DECR1: variants seen among roughly 807,000 people sequenced by gnomAD.
DECR1 encodes 2,4-dienoyl-CoA reductase [(3E)-enoyl-CoA-producing], mitochondrial.
A neutral mutation model predicts 38.8 loss-of-function variants in DECR1; 44 were observed. That is an observed-to-expected ratio of 1.13 (90% CI 0.89 to 1.46). DECR1 has a LOEUF of 1.46. Ranked by LOEUF, DECR1 falls within the 40% of genes most tolerant of loss-of-function variation. The pLI is 0.00. For synonymous variants in DECR1, 148 were observed against 135.2 expected (o/e 1.09, Z -0.66); for missense variants, 428 against 405.5 (o/e 1.06, Z -0.48).
At chr8:90,013,645 GACT>G (rs1812940940) in intron 1 of DECR1, among the ~76,000 whole-genome samples, 3 of 152,016 alleles carry the variant, frequency 2.0e-5, no homozygotes, top group African/African-American at 7.2e-5. Context: ...TAGAGCTTCT[GACT>G]TTTATGTGAA....
chr8:90,004,462 A>G (rs1313760679), intron 1 of DECR1, among the ~76,000 whole-genome samples: 1 of 152,226 alleles, frequency 6.6e-6, no homozygotes, highest in Non-Finnish European at 1.5e-5. Flanking sequence ...TATGACCTCA[A>G]ACTGGCCACC....
At chr8:90,035,039 C>A (rs1393738771) in intron 5 of DECR1, among the ~76,000 whole-genome samples, 1 of 152,030 alleles carries the variant, frequency 6.6e-6, no homozygotes, top group East Asian at 1.9e-4. Context: ...AATATAACTC[C>A]ATTGTCTTCT....
chr8:90,034,780 T>C (rs933069106), intron 5 of DECR1, among the ~76,000 whole-genome samples: 4 of 152,206 alleles, frequency 2.6e-5, no homozygotes, highest in African/African-American at 9.6e-5. Flanking sequence ...GAGAACCTGC[T>C]GTGTCCTAGA....
At chr8:90,045,373 G>C (rs1287763883) in intron 8 of DECR1, among the ~76,000 whole-genome samples, 2 of 152,064 alleles carry the variant, frequency 1.3e-5, no homozygotes, top group Non-Finnish European at 2.9e-5. Flanking sequence ...GGCACACCAG[G>C]AGATTATATC....
chr8:90,028,910 G>A (rs1586153403), intron 5 of DECR1, among the ~76,000 whole-genome samples: 1 of 152,062 alleles, frequency 6.6e-6, no homozygotes, highest in African/African-American at 2.4e-5. Context: ...AGACATGGGT[G>A]GAAACTGACG....
At chr8:90,027,703 A>C (rs1325292379) in intron 5 of DECR1, among the ~76,000 whole-genome samples, 1 of 151,926 alleles carries the variant, frequency 6.6e-6, no homozygotes, top group Non-Finnish European at 1.5e-5. Flanking sequence ...TAATTGGAGC[A>C]TTTAGCCCAT....
chr8:90,046,130 C>G (rs1217281310), intron 8 of DECR1, among the ~76,000 whole-genome samples: 3 of 152,242 alleles, frequency 2.0e-5, no homozygotes, highest in African/African-American at 2.4e-5. Context: ...AGCGCCTCTT[C>G]TCTTCCAAAG....
chr8:90,022,394 C>A (rs541854053), intron 5 of DECR1, among the ~76,000 whole-genome samples: 3 of 152,140 alleles, frequency 2.0e-5, no homozygotes, highest in Non-Finnish European at 4.4e-5. Context: ...TAGCTTCCAT[C>A]CTTTCTATGC....
chr8:90,051,962 C>G lies in DECR1; in HGVS notation c.*65C>G. On this transcript the variant is annotated 3_prime_UTR_variant, in exon 10 of 10. Transcript: ENST00000220764. ...AGAAATGAAACAAATTATCTCTCAT[C>G]TTTTGACTATTTCAAGTCTAATAAA... is the stretch of plus-strand genomic sequence containing the variant. 7.3e-7 allele frequency: 1 copy of G among 1,371,460 alleles called. No homozygotes were observed. Among genetic ancestry groups the G allele is most frequent in the Non-Finnish European group, 1.0e-6 (1 of 967,268 alleles). 85.0% of individuals were successfully genotyped at this position (1,371,460 alleles called of 1,614,324 possible). A position where few individuals can be genotyped will look rare whatever the true frequency, so the allele number is the denominator to read the frequency against.
chr8:90,032,578 C>A (rs372834831), intron 5 of DECR1, among the ~76,000 whole-genome samples: 106 of 152,272 alleles, frequency 7.0e-4, no homozygotes, highest in Middle Eastern at 6.8e-3. Context: ...GGCATGGGAT[C>A]TTTAAGTGGG....
chr8:90,051,420 G>A (rs182740536), intron 8 of DECR1, among the ~76,000 whole-genome samples: 5 of 152,216 alleles, frequency 3.3e-5, no homozygotes, highest in African/African-American at 1.2e-4. Flanking sequence ...ATTAATAGAT[G>A]CAGGTTACCT....
rs1813792305 is a variant in DECR1 at position 90,042,708 on chromosome 8, T to A, written c.666-20T>A. ...ATGGTATAATATTTCAGAATGTATG[T>A]TGTTGATTTTAATTTTTAGGTCTCT... On this transcript the variant is annotated intron_variant, in intron 6 of 9. Coordinates refer to ENST00000220764, the MANE Select transcript of DECR1 (RefSeq NM_001359.2). The A allele has an allele frequency of 6.3e-7, 1 of 1,597,782 alleles. No homozygotes were observed. Among genetic ancestry groups the A allele is most frequent in the East Asian group, 2.2e-5 (1 of 44,780 alleles).
intron 1 of DECR1, among the ~76,000 whole-genome samples, chr8:90,014,225 A>G (rs1812953500): frequency 6.6e-6 from 1 of 152,202 alleles, no homozygotes; most frequent in Non-Finnish European, 1.5e-5. Flanking sequence ...CCTGTTTTGT[A>G]TCTACTTTTT....
chr8:90,006,417 G>A (rs1323494569), intron 1 of DECR1: 8 of 662,882 alleles, frequency 1.2e-5, no homozygotes, highest in African/African-American at 1.8e-5. Context: ...CCAGCATAAA[G>A]GTTATCAACA....
intron 5 of DECR1, among the ~76,000 whole-genome samples, chr8:90,028,444 A>G (rs1459336746): frequency 6.6e-6 from 1 of 152,058 alleles, no homozygotes; most frequent in Non-Finnish European, 1.5e-5. Context: ...CTACTCAGAT[A>G]TTGTACTTGA....
intron 1 of DECR1, among the ~76,000 whole-genome samples, chr8:90,007,772 A>G (rs1416743843): frequency 6.6e-6 from 1 of 152,252 alleles, no homozygotes; most frequent in African/African-American, 2.4e-5. Context: ...GGTAGAAAGC[A>G]TGCAATAGAT....
chr8:90,020,783 C>T (rs766868763), intron 4 of DECR1, 126 bp from the exon 5 acceptor site: 4 of 650,930 alleles, frequency 6.1e-6, no homozygotes, highest in Non-Finnish European at 9.3e-6. Context: ...GGTATTGTTT[C>T]GTAGGTAGCT....
chr8:90,032,474 C>T (rs1302162766), intron 5 of DECR1, among the ~76,000 whole-genome samples: 1 of 152,064 alleles, frequency 6.6e-6, no homozygotes, highest in Non-Finnish European at 1.5e-5. Context: ...TGGATAATCC[C>T]AGAAAGGCCC....
Position 90,017,110 on chromosome 8 carries a change from T to C in DECR1, c.70-14T>C. 6.3e-7 allele frequency: 1 copy of C among 1,588,506 alleles called. No homozygotes were observed. The highest frequency in any genetic ancestry group is 8.6e-7 in the Non-Finnish European group (1 of 1,160,382). Reference sequence around the variant, plus strand: ...ATATATGTATGCAAATTTAAATTCATTTTCCCCTTTTAGTTTTTCAGTTAT... The same window carrying C: ...ATATATGTATGCAAATTTAAATTCACTTTCCCCTTTTAGTTTTTCAGTTAT... On this transcript the variant is annotated splice_polypyrimidine_tract_variant and intron_variant, in intron 1 of 9. Transcript: ENST00000220764.
Sources: gnomAD v4.1 joint callset for allele counts (sites outside exome capture counted in the v4.1 genomes callset) on GRCh38, gnomAD v4.1.1 for gene constraint, MANE v1.5 for transcripts, NCBI Gene and HGNC (gene_info 2026-07-23, HGNC 2026-07-21) for gene names.